ADAMTS19: variants seen among roughly 807,000 people sequenced by gnomAD.
ADAMTS19 encodes the protein A disintegrin and metalloproteinase with thrombospondin motifs 19.
Under a neutral mutation model 153.3 loss-of-function variants are expected in ADAMTS19, and 93 were observed. The observed-to-expected ratio is 0.61, with a 90% CI of 0.51 to 0.72. The LOEUF (loss-of-function observed/expected upper bound fraction) is 0.72, where lower values mean the gene tolerates loss of function less well. Ranked by LOEUF, ADAMTS19 falls within the 30% of genes least tolerant of loss-of-function variation. ADAMTS19 has a pLI of 0.00. For synonymous variants in ADAMTS19, 600 were observed against 556.6 expected (o/e 1.08, Z -1.10); for missense variants, 1,482 against 1,552.1 (o/e 0.95, Z 0.76).
chr5:129,619,055 T>C (rs187220888), intron 8 of ADAMTS19, among the ~76,000 whole-genome samples: 1 of 152,122 alleles, frequency 6.6e-6, no homozygotes, highest in East Asian at 1.9e-4. Context: ...GAAGAGATAG[T>C]ACAAATGGGT....
At chr5:129,613,986 G>C (rs940159999) in intron 8 of ADAMTS19, among the ~76,000 whole-genome samples, 6 of 152,080 alleles carry the variant, frequency 3.9e-5, no homozygotes, top group Non-Finnish European at 8.8e-5. Context: ...ACTAAACCAG[G>C]AAGAAGTTGA....
At chr5:129,671,687 A>T (rs1329636489) in intron 16 of ADAMTS19, among the ~76,000 whole-genome samples, 1 of 151,174 alleles carries the variant, frequency 6.6e-6, no homozygotes, top group Non-Finnish European at 1.5e-5. Context: ...TGTATTCTTA[A>T]TTGCAATTAT....
intron 7 of ADAMTS19, among the ~76,000 whole-genome samples, chr5:129,594,260 A>G (rs1750271352): frequency 6.6e-6 from 1 of 152,194 alleles, no homozygotes; most frequent in Non-Finnish European, 1.5e-5. Context: ...GAAGACATGT[A>G]AAACTCATTA....
chr5:129,475,951 T>G (rs1178927024), intron 2 of ADAMTS19, among the ~76,000 whole-genome samples: 1 of 152,254 alleles, frequency 6.6e-6, no homozygotes, highest in Non-Finnish European at 1.5e-5. Flanking sequence ...GGTTTAAGCT[T>G]AATCTGAAAT....
chr5:129,535,265 C>T (rs1752372158), intron 6 of ADAMTS19, among the ~76,000 whole-genome samples: 4 of 152,074 alleles, frequency 2.6e-5, no homozygotes, highest in African/African-American at 9.7e-5. Flanking sequence ...TCTTATACAC[C>T]AATAGCAGAC....
chr5:129,692,212 G>T (rs1411166317), intron 18 of ADAMTS19, among the ~76,000 whole-genome samples: 1 of 151,924 alleles, frequency 6.6e-6, no homozygotes, highest in African/African-American at 2.4e-5. Context: ...ATATCTATTT[G>T]ATATATATAC....
intron 2 of ADAMTS19, among the ~76,000 whole-genome samples, chr5:129,496,105 C>G (rs1750921726): frequency 2.6e-5 from 4 of 151,944 alleles, no homozygotes; most frequent in Admixed American, 6.6e-5. Flanking sequence ...GTACATTGTT[C>G]CTTTTAAGGG....
Position 129,684,008 on chromosome 5 carries a change from AAAT to A in ADAMTS19, c.2665-111_2665-109del. 3 of 1,196,610 alleles carry A rather than the reference AAAT, an allele frequency of 2.5e-6. No individual in the cohort carries two copies. The South Asian group carries it at 5.5e-5, about 22-fold the overall frequency. 74.1% of individuals were successfully genotyped at this position (1,196,610 alleles called of 1,614,324 possible). A position where few individuals can be genotyped will look rare whatever the true frequency, so the allele number is the denominator to read the frequency against. ...GTCCACAACAGCAACAACAACAACA[AAAT>A]GCACACAACACAATGAGCATTTTAA... On this transcript the variant is annotated intron_variant, in intron 17 of 22. Coordinates refer to ENST00000274487, the MANE Select transcript of ADAMTS19 (RefSeq NM_133638.6).
At chr5:129,466,834 C>T (rs1749879090) in intron 2 of ADAMTS19, among the ~76,000 whole-genome samples, 1 of 152,090 alleles carries the variant, frequency 6.6e-6, no homozygotes, top group Non-Finnish European at 1.5e-5. Context: ...AAGTGGTGTT[C>T]TGGATGATCC....
At chr5:129,636,591 C>G (rs1752544921) in intron 10 of ADAMTS19, among the ~76,000 whole-genome samples, 1 of 152,150 alleles carries the variant, frequency 6.6e-6, no homozygotes, top group Admixed American at 6.5e-5. Context: ...ATGCCTATCA[C>G]TCAACTTCTG....
intron 10 of ADAMTS19, among the ~76,000 whole-genome samples, chr5:129,639,983 G>T (rs906437326): frequency 3.9e-5 from 6 of 152,108 alleles, no homozygotes; most frequent in Non-Finnish European, 8.8e-5. Context: ...ATATTACAAA[G>T]GGGCAATATG....
intron 21 of ADAMTS19, among the ~76,000 whole-genome samples, chr5:129,719,534 A>G (rs116332720): frequency 0.013 from 1,953 of 152,326 alleles, 34 homozygotes; most frequent in African/African-American, 0.043. Flanking sequence ...CCATGTATAA[A>G]ACTAGATGTG....
At chr5:129,525,274 T>G (rs773983825) in intron 3 of ADAMTS19, among the ~76,000 whole-genome samples, 8 of 152,126 alleles carry the variant, frequency 5.3e-5, no homozygotes, top group Non-Finnish European at 1.0e-4. Flanking sequence ...TGTATGCATA[T>G]GATGCTTCTA....
intron 3 of ADAMTS19, among the ~76,000 whole-genome samples, chr5:129,521,213 G>C (rs947916385): frequency 2.0e-5 from 3 of 152,144 alleles, no homozygotes; most frequent in Admixed American, 6.5e-5. Context: ...CTAGGTTTTA[G>C]TAAATTTTAT....
chr5:129,729,544 GTTA>G (rs1454960885), intron 21 of ADAMTS19, among the ~76,000 whole-genome samples: 9 of 151,872 alleles, frequency 5.9e-5, no homozygotes, highest in Admixed American at 4.6e-4. Flanking sequence ...AAATCTATTA[GTTA>G]TTAGTTTCTC....
intron 8 of ADAMTS19, among the ~76,000 whole-genome samples, chr5:129,599,773 A>G (rs2126926841): frequency 6.6e-6 from 1 of 152,306 alleles, no homozygotes; most frequent in African/African-American, 2.4e-5. Context: ...CTCAAATGGT[A>G]CGAAAATATT....
chr5:129,528,547 G>C lies in ADAMTS19; in HGVS notation c.1198G>C (p.Glu400Gln). ...AGAACTATATATTGGGCATCATGGA[G>C]AAAAAATGCTAGAGAGTTTTTGTAA... Reference protein sequence around the residue: ...PPELYIGHHGEKMLESFCKWQ... With the variant: ...PPELYIGHHGQKMLESFCKWQ... The change falls in exon 6 of 23, where the codon GAA becomes CAA. Residue 400 changes from glutamate (E) to glutamine (Q), a missense_variant. By Grantham distance (29) the Glu-to-Gln change is conservative (BLOSUM62 2). Transcript: ENST00000274487. 6.2e-7 allele frequency: 1 copy of C among 1,601,992 alleles called. No individual in the cohort carries two copies. Among genetic ancestry groups the C allele is most frequent in the African/African-American group, 1.3e-5 (1 of 74,116 alleles).
At position 129,568,471 on chromosome 5, in the gene ADAMTS19, G is replaced by A. The variant is rs1471209366; in HGVS notation, c.1372+16564G>A. Among the ~76,000 whole-genome samples the A allele has an allele frequency of 2.6e-5, 4 of 152,046 alleles. No homozygotes were observed. In the South Asian group the frequency reaches 6.2e-4, roughly 24 times the overall value. ...CTTTTAAGGGTGAATATTATGTAAT[G>A]TAAAACCTATGGGAAGCAACCACTA... On this transcript the variant is annotated intron_variant, in intron 7 of 22. Transcript: ENST00000274487.
At chr5:129,502,812 T>C (rs1008353650) in intron 2 of ADAMTS19, among the ~76,000 whole-genome samples, 1 of 152,204 alleles carries the variant, frequency 6.6e-6, no homozygotes, top group Non-Finnish European at 1.5e-5. Flanking sequence ...ACCTTATGTA[T>C]TGAAGGCATG....
Sources: gnomAD v4.1 joint callset for allele counts (sites outside exome capture counted in the v4.1 genomes callset) on GRCh38, gnomAD v4.1.1 for gene constraint, MANE v1.5 for transcripts, NCBI Gene and HGNC (gene_info 2026-07-23, HGNC 2026-07-21) for gene names.